The following SYCP2 variants were observed in gnomAD, a reference collection of about 807,000 sequenced individuals.
The protein encoded by SYCP2 is synaptonemal complex protein 2, also known as synaptonemal complex lateral element protein.
Under a neutral mutation model 211.3 loss-of-function variants are expected in SYCP2, and 55 were observed. The ratio of observed to expected loss-of-function variants is 0.26; its 90% CI spans 0.21 to 0.33. The LOEUF (loss-of-function observed/expected upper bound fraction) is 0.33, where lower values mean the gene tolerates loss of function less well. SYCP2 is among the 10% of genes least tolerant of loss of function. The pLI is 1.00. For missense variants in SYCP2, 1,731 were observed against 1,752.0 expected, an observed-to-expected ratio of 0.99 and a Z score of 0.21; for synonymous variants, 570 against 555.2, an observed-to-expected ratio of 1.03 and a Z score of -0.37.
At chr20:59,906,135 T>C (rs1473234529) in intron 15 of SYCP2, among the ~76,000 whole-genome samples, 1 of 152,170 alleles carries the variant, frequency 6.6e-6, no homozygotes, top group African/African-American at 2.4e-5. Context: ...ACTGTTAACA[T>C]GTTATTTCTC....
chr20:59,866,963 G>T (rs117832442), intron 39 of SYCP2, among the ~76,000 whole-genome samples: 3,140 of 144,622 alleles, frequency 0.022, 55 homozygotes, highest in Middle Eastern at 0.037. Context: ...CAGACACATA[G>T]GAGAATATAT....
rs570864957 is a variant in SYCP2 at position 59,914,045 on chromosome 20, T to C, written c.778-18A>G. The stretch of plus-strand genomic sequence containing the variant: ...CTGCAATCCTAATTTTAAAGAGAAA[T>C]ACTTTTAAAAATCATAATAATTTTT... On this transcript the variant is annotated intron_variant, in intron 11 of 44. Transcript: ENST00000357552. The C allele has an allele frequency of 1.9e-6, 3 of 1,583,330 alleles. No homozygotes were observed. Among genetic ancestry groups the C allele is most frequent in the South Asian group, 1.2e-5 (1 of 86,264 alleles).
chr20:59,867,593 G>C (rs116277872), intron 39 of SYCP2, 118 bp downstream of exon 39: 1 of 770,626 alleles, frequency 1.3e-6, no homozygotes, highest in East Asian at 3.0e-5. Context: ...TATAAGGAAA[G>C]TTGGTTTCAT....
Position 59,892,370 on chromosome 20 carries a change from G to T in SYCP2, c.1984C>A (p.His662Asn). Residue 662 changes from histidine to asparagine, a missense_variant, in exon 24 of 45, where the codon CAT becomes AAT. His to Asn is a moderately conservative substitution (Grantham distance 68, BLOSUM62 1). Coordinates refer to ENST00000357552, the MANE Select transcript of SYCP2 (RefSeq NM_014258.4). ...KQKSSSSISD[H>N]NSEGTGKVKY... ...ACTTTTCCTGTTCCTTCAGAATTAT[G>T]ATCAGATATTGAAGAGGATGATTTT... 6.3e-7 allele frequency: 1 copy of T among 1,586,964 alleles called. No homozygotes were observed. The highest frequency in any genetic ancestry group is 1.1e-5 in the South Asian group (1 of 89,720).
At chr20:59,893,950 ATTCT>A (rs887320979) in intron 20 of SYCP2, among the ~76,000 whole-genome samples, 18 of 151,898 alleles carry the variant, frequency 1.2e-4, no homozygotes, top group South Asian at 2.1e-4. Context: ...GATATGGTCC[ATTCT>A]TTCTTTCTTA....
At chr20:59,869,602 A>G (rs2059411176) in intron 36 of SYCP2, among the ~76,000 whole-genome samples, 196 bp downstream of exon 36, 2 of 151,732 alleles carry the variant, frequency 1.3e-5, no homozygotes, top group Non-Finnish European at 3.0e-5. Context: ...TCTCATTTTA[A>G]AAGTTTCAAC....
intron 2 of SYCP2, among the ~76,000 whole-genome samples, chr20:59,923,916 CAAT>C (rs1480332408): frequency 6.6e-6 from 1 of 151,690 alleles, no homozygotes; most frequent in Non-Finnish European, 1.5e-5. Flanking sequence ...AGTTACATAT[CAAT>C]AATTACATTG....
chr20:59,867,105 CGGGGGGGGG>C (rs373444865), intron 39 of SYCP2, among the ~76,000 whole-genome samples: 2 of 3,466 alleles, frequency 5.8e-4, no homozygotes, highest in Non-Finnish European at 1.7e-3. Context: ...AGACTGGGGG[CGGGGGGGGG>C]GGGGGAGGGT....
Position 59,914,246 on chromosome 20 carries a change from C to G in SYCP2, c.640G>C (p.Asp214His). The G allele has an allele frequency of 1.3e-6, 2 of 1,539,550 alleles. No individual in the cohort carries two copies. The highest frequency in any genetic ancestry group is 1.8e-6 in the Non-Finnish European group (2 of 1,138,968). Residue 214 changes from aspartate to histidine, a missense_variant, in exon 11 of 45, where the codon GAC becomes CAC. Transcript: ENST00000357552. ...GERILDAGDY[D>H]LQVGIVEALC... Reference sequence around the variant, plus strand: ...GCTTCTACAATGCCTACCTGTAAGTCATAATCTATTAAAAAAATAGTTAAT... The same window carrying G: ...GCTTCTACAATGCCTACCTGTAAGTGATAATCTATTAAAAAAATAGTTAAT...
At chr20:59,867,014 CAAAAAAAAAAAAAA>C (rs779891839) in intron 39 of SYCP2, among the ~76,000 whole-genome samples, 3 of 60,418 alleles carry the variant, frequency 5.0e-5, no homozygotes. Context: ...GGCCTTGGGC[CAAAAAAAAAAAAAA>C]AAAAAAAGAA....
chr20:59,879,698 C>CAA (rs374354150), intron 31 of SYCP2, among the ~76,000 whole-genome samples: 1 of 140,814 alleles, frequency 7.1e-6, no homozygotes, highest in Non-Finnish European at 1.6e-5. Context: ...AACTTAGACC[C>CAA]AAAAAAAAAA....
chr20:59,924,881 T>C (rs1043121276), intron 2 of SYCP2, among the ~76,000 whole-genome samples: 8 of 149,316 alleles, frequency 5.4e-5, no homozygotes, highest in Admixed American at 2.7e-4. Context: ...AGGTAGAACA[T>C]AAAGCAGTAA....
chr20:59,925,900 T>TTTAAAACCTCACTAGTTTG (rs1398687176), intron 2 of SYCP2, among the ~76,000 whole-genome samples: 1 of 152,064 alleles, frequency 6.6e-6, no homozygotes, highest in African/African-American at 2.4e-5. Context: ...TACTGCCTGC[T>TTTAAAACCTCACTAGTTTG]TTAAAACCTC....
rs1210255631 is a variant in SYCP2 at position 59,875,538 on chromosome 20, T to TTA, written c.3151-71_3151-70dup. On this transcript the variant is annotated intron_variant, in intron 33 of 44. Coordinates refer to ENST00000357552, the MANE Select transcript of SYCP2 (RefSeq NM_014258.4). Reference sequence around the variant, plus strand: ...TTTACACTTGGACACATAAAACAAATTATATTCAAATATTTATTAAATGTT... The same window carrying TTA: ...TTTACACTTGGACACATAAAACAAATTATATATTCAAATATTTATTAAATGTT... 4 of 1,156,800 alleles carry TTA rather than the reference T, an allele frequency of 3.5e-6. No individual in the cohort carries two copies. In the African/African-American group the frequency reaches 6.3e-5, roughly 18 times the overall value. The allele number at this position is 1,156,800 out of a possible 1,614,324, so 71.7% of individuals were successfully genotyped here. A position where few individuals can be genotyped will look rare whatever the true frequency, so the allele number is the denominator to read the frequency against.
chr20:59,864,701 A>C (rs2059295710), intron 44 of SYCP2, among the ~76,000 whole-genome samples: 1 of 152,028 alleles, frequency 6.6e-6, no homozygotes, highest in Non-Finnish European at 1.5e-5. Flanking sequence ...GGATCAACCT[A>C]GTTAAGTAGC....
At chr20:59,925,779 T>C (rs2060623319) in intron 2 of SYCP2, among the ~76,000 whole-genome samples, 1 of 152,064 alleles carries the variant, frequency 6.6e-6, no homozygotes, top group African/African-American at 2.4e-5. Flanking sequence ...GGACTACTAC[T>C]GCTCCCAAAT....
At chr20:59,887,258 T>G (rs1360900491) in intron 24 of SYCP2, among the ~76,000 whole-genome samples, 1 of 152,160 alleles carries the variant, frequency 6.6e-6, no homozygotes, top group African/African-American at 2.4e-5. Flanking sequence ...GGTGTTTTTT[T>G]GTCCTTGCAA....
Position 59,865,451 on chromosome 20 carries a change from A to G in SYCP2, c.4459-7T>C, listed in dbSNP as rs1435719517. 2 of 1,607,220 alleles carry G rather than the reference A, an allele frequency of 1.2e-6. No individual in the cohort carries two copies. The highest frequency in any genetic ancestry group is 2.2e-5 in the South Asian group (2 of 89,690). ...CTTCTTTCATCAAACACATCTGTAA[A>G]AAAGTAAATATATTTCACCCATGAA... On this transcript the variant is annotated splice_polypyrimidine_tract_variant and splice_region_variant and intron_variant, in intron 43 of 44. Transcript: ENST00000357552.
intron 18 of SYCP2, among the ~76,000 whole-genome samples, chr20:59,898,263 T>C (rs1306197490): frequency 1.3e-5 from 2 of 152,180 alleles, no homozygotes; most frequent in Non-Finnish European, 2.9e-5. Context: ...TAAAGACACA[T>C]GCACAGGTAT....
Sources: allele counts gnomAD v4.1 joint callset (sites outside exome capture counted in the v4.1 genomes callset), GRCh38; gene constraint gnomAD v4.1.1; transcripts MANE v1.5; gene names NCBI Gene and HGNC (gene_info 2026-07-23, HGNC 2026-07-21).